COL25A1: variants seen among roughly 807,000 people sequenced by gnomAD.
COL25A1 encodes collagen type XXV alpha 1 chain, also known as collagen alpha-1(XXV) chain.
A neutral mutation model predicts 128.4 loss-of-function variants in COL25A1; 103 were observed. That is an observed-to-expected ratio of 0.80 (90% CI 0.68 to 0.94). The LOEUF (loss-of-function observed/expected upper bound fraction) is 0.94, where lower values mean the gene tolerates loss of function less well. Among genes scored for constraint, COL25A1 ranks in the 40% least tolerant of loss-of-function variants. COL25A1 has a pLI of 0.00. For synonymous variants in COL25A1, 279 were observed against 277.2 expected (o/e 1.01, Z -0.06); for missense variants, 745 against 840.0 (o/e 0.89, Z 1.40).
At chr4:109,195,662 A>G (rs889961316) in intron 3 of COL25A1, among the ~76,000 whole-genome samples, 3 of 152,158 alleles carry the variant, frequency 2.0e-5, no homozygotes, top group African/African-American at 7.2e-5. Flanking sequence ...ACCTTACTAA[A>G]ATGTACTCTT....
At chr4:109,083,414 A>G (rs1481464277) in intron 3 of COL25A1, among the ~76,000 whole-genome samples, 1 of 151,130 alleles carries the variant, frequency 6.6e-6, no homozygotes, top group Non-Finnish European at 1.5e-5. Context: ...TATGACCAAA[A>G]TACATAAACA....
At chr4:109,072,657 G>C (rs1277418248) in intron 3 of COL25A1, among the ~76,000 whole-genome samples, 1 of 152,108 alleles carries the variant, frequency 6.6e-6, no homozygotes, top group African/African-American at 2.4e-5. Flanking sequence ...CACATTCTTA[G>C]CTTGCAGAAC....
In COL25A1 at chr4:108,846,234, C is replaced by T. The variant is rs1156254760; in HGVS notation, c.1435-15G>A. The T allele has an allele frequency of 2.6e-6, 4 of 1,547,864 alleles. No homozygotes were observed. In the East Asian group the frequency reaches 9.0e-5, roughly 35 times the overall value. ...CCTTTGAGTCCCTAAAAATGATAGACAAGGTTGGCATGTAAGCAGCATAAT... is the reference window on the plus strand; with the variant it reads ...CCTTTGAGTCCCTAAAAATGATAGATAAGGTTGGCATGTAAGCAGCATAAT... On this transcript the variant is annotated splice_polypyrimidine_tract_variant and intron_variant, in intron 27 of 37. Transcript: ENST00000399132.
chr4:109,048,045 T>G, intron 5 of COL25A1, 123 bp downstream of exon 5: 2 of 1,124,126 alleles, frequency 1.8e-6, no homozygotes, highest in South Asian at 2.6e-5. Context: ...TTAAGTATAC[T>G]CTTAAAAGGT....
chr4:108,960,625 G>C (rs1216751233), intron 8 of COL25A1, among the ~76,000 whole-genome samples: 1 of 152,146 alleles, frequency 6.6e-6, no homozygotes, highest in East Asian at 1.9e-4. Context: ...TTTGTATCTA[G>C]AAGTTTACAT....
At chr4:108,827,291 T>C (rs555998977) in intron 32 of COL25A1, 103 bp from the exon 33 acceptor site, 7 of 1,011,224 alleles carry the variant, frequency 6.9e-6, no homozygotes, top group African/African-American at 1.6e-5. Flanking sequence ...GACCATTCTA[T>C]GAAAATCTCA....
At chr4:109,005,365 C>T (rs1755862907) in intron 6 of COL25A1, among the ~76,000 whole-genome samples, 1 of 152,158 alleles carries the variant, frequency 6.6e-6, no homozygotes, top group Admixed American at 6.5e-5. Flanking sequence ...GGCCACACCT[C>T]CAACATTGGG....
chr4:109,061,179 T>C (rs771505003), intron 3 of COL25A1, among the ~76,000 whole-genome samples: 1 of 152,176 alleles, frequency 6.6e-6, no homozygotes, highest in African/African-American at 2.4e-5. Flanking sequence ...TCTTGTGCTC[T>C]CCTTACTTAA....
intron 3 of COL25A1, among the ~76,000 whole-genome samples, chr4:109,187,238 T>C (rs1319633233): frequency 2.5e-5 from 2 of 79,634 alleles, no homozygotes; most frequent in African/African-American, 9.3e-5. Flanking sequence ...CATAATTAAC[T>C]TTTCCATCTT....
intron 3 of COL25A1, among the ~76,000 whole-genome samples, chr4:109,172,079 G>A (rs906089022): frequency 6.6e-6 from 1 of 152,160 alleles, no homozygotes; most frequent in Non-Finnish European, 1.5e-5. Flanking sequence ...TGAACCATCA[G>A]CTCTGGAAGC....
chr4:108,906,331 T>A (rs1171700332), intron 13 of COL25A1, among the ~76,000 whole-genome samples: 3 of 152,126 alleles, frequency 2.0e-5, no homozygotes, highest in African/African-American at 7.2e-5. Flanking sequence ...CTATGTTTTT[T>A]CCTCGGATAG....
At chr4:108,919,767 A>C (rs1002157463) in intron 12 of COL25A1, among the ~76,000 whole-genome samples, 6 of 151,810 alleles carry the variant, frequency 4.0e-5, no homozygotes, top group African/African-American at 1.5e-4. Flanking sequence ...TGAAAAAAAA[A>C]ATTTTTTTTT....
intron 3 of COL25A1, among the ~76,000 whole-genome samples, chr4:109,247,309 C>A (rs1479400075): frequency 1.3e-5 from 2 of 151,844 alleles, no homozygotes; most frequent in Admixed American, 6.6e-5. Flanking sequence ...GAGATCGAAC[C>A]ACTGCACTCC....
intron 3 of COL25A1, among the ~76,000 whole-genome samples, chr4:109,188,680 T>C (rs990221357): frequency 6.6e-6 from 1 of 151,988 alleles, no homozygotes; most frequent in Non-Finnish European, 1.5e-5. Context: ...TATCTCAAGA[T>C]TGAGTAAAGA....
chr4:109,124,414 T>C (rs1768393841), intron 3 of COL25A1, among the ~76,000 whole-genome samples: 1 of 152,054 alleles, frequency 6.6e-6, no homozygotes, highest in Non-Finnish European at 1.5e-5. Context: ...TATATGATTT[T>C]GTGAAATTTT....
intron 8 of COL25A1, among the ~76,000 whole-genome samples, chr4:108,964,345 A>C (rs1198490183): frequency 6.6e-6 from 1 of 151,824 alleles, no homozygotes; most frequent in African/African-American, 2.4e-5. Flanking sequence ...TTAAAGGCTC[A>C]CATCTCAGGC....
chr4:108,920,604 C>A lies in COL25A1; in HGVS notation c.709G>T (p.Gly237Cys). Residue 237 changes from glycine to cysteine, a missense_variant and splice_region_variant, in exon 12 of 38, where the codon GGT (glycine) becomes TGT (cysteine). By Grantham distance (159) the Gly-to-Cys change is radical (BLOSUM62 -3). This residue lies in a region of COL25A1 where 319 missense variants were observed against 324.9 expected (regional missense o/e 0.98). Transcript: ENST00000399132. ...PGKPGEQGLMGPLGPPGQKGS... is the reference protein window; with the variant it reads ...PGKPGEQGLMCPLGPPGQKGS... ...TTTTGTCCCGGAGGCCCTAGAGGAC[C>A]CTAAAAAAGAAAAACGATTCAATTA... 6.3e-7 allele frequency: 1 copy of A among 1,599,748 alleles called. No homozygotes were observed. Among genetic ancestry groups the A allele is most frequent in the Non-Finnish European group, 8.5e-7 (1 of 1,171,172 alleles).
chr4:109,281,208 A>G lies in COL25A1; in HGVS notation c.367+19375T>C, dbSNP rs529377412. Among the ~76,000 whole-genome samples, 229 of 152,318 alleles carry G rather than the reference A, an allele frequency of 1.5e-3. 2 individuals carry two copies. The South Asian group carries it at 0.025, about 17-fold the overall frequency. On this transcript the variant is annotated intron_variant, in intron 3 of 37. Transcript: ENST00000399132. Reference sequence around the variant, plus strand: ...TATTAGTTACCATTCAATAGTTTTCAAAGAATAAAATTACAATTAAACTAA... The same window carrying G: ...TATTAGTTACCATTCAATAGTTTTCGAAGAATAAAATTACAATTAAACTAA...
At chr4:109,054,429 C>G (rs1354996523) in intron 3 of COL25A1, among the ~76,000 whole-genome samples, 2 of 152,184 alleles carry the variant, frequency 1.3e-5, no homozygotes, top group Admixed American at 6.5e-5. Context: ...TTACATTATA[C>G]TAAACAAGTG....
Sources: gnomAD v4.1 joint callset for allele counts (sites outside exome capture counted in the v4.1 genomes callset) on GRCh38, gnomAD v4.1.1 for gene constraint, gnomAD v4.1.1 regional missense constraint, MANE v1.5 for transcripts, NCBI Gene and HGNC (gene_info 2026-07-23, HGNC 2026-07-21) for gene names.